The following CAMK1D variants were observed in gnomAD, a reference collection of about 807,000 sequenced individuals.
CAMK1D encodes calcium/calmodulin dependent protein kinase ID.
A neutral mutation model predicts 47.7 loss-of-function variants in CAMK1D; 9 were observed. The ratio of observed to expected loss-of-function variants is 0.19; its 90% CI spans 0.11 to 0.33. The LOEUF (loss-of-function observed/expected upper bound fraction) is 0.33, where lower values mean the gene tolerates loss of function less well. Among genes scored for constraint, CAMK1D ranks in the 10% least tolerant of loss-of-function variants. CAMK1D has a pLI of 1.00. For synonymous variants in CAMK1D, 184 were observed against 184.9 expected (o/e 0.99, Z 0.04); for missense variants, 291 against 488.7 (o/e 0.60, Z 3.81).
chr10:12,518,961 A>T (rs1192814795), intron 1 of CAMK1D, among the ~76,000 whole-genome samples: 2 of 125,760 alleles, frequency 1.6e-5, no homozygotes, highest in Non-Finnish European at 3.5e-5. Flanking sequence ...ATTCCACAAA[A>T]CCGCCATTGT....
At chr10:12,752,132 C>T (rs1281788195) in intron 3 of CAMK1D, among the ~76,000 whole-genome samples, 1 of 151,958 alleles carries the variant, frequency 6.6e-6, no homozygotes, top group Non-Finnish European at 1.5e-5. Flanking sequence ...TACAGGCGCC[C>T]GCCATCATGC....
intron 1 of CAMK1D, among the ~76,000 whole-genome samples, chr10:12,404,026 T>C (rs765747457): frequency 4.6e-5 from 7 of 150,834 alleles, no homozygotes; most frequent in African/African-American, 7.3e-5. Flanking sequence ...AAAATGGGCA[T>C]GTAGTTTTTT....
intron 1 of CAMK1D, among the ~76,000 whole-genome samples, chr10:12,482,833 C>G (rs1834104109): frequency 6.6e-6 from 1 of 152,182 alleles, no homozygotes; most frequent in Admixed American, 6.5e-5. Flanking sequence ...TGGAGAGCTC[C>G]TTGTTCACAG....
At position 12,627,808 on chromosome 10, in the gene CAMK1D, C is replaced by T. The variant is rs528955683; in HGVS notation, c.225-38928C>T. Among the ~76,000 whole-genome samples, 5 of 152,302 alleles carry T rather than the reference C, an allele frequency of 3.3e-5. No homozygotes were observed. The South Asian group carries it at 8.3e-4, about 25-fold the overall frequency. ...ACACAGAAAAAAACAAGGCCAGGTG[C>T]AGTGGCTCACGCCTGTAGTCCGAAA... On this transcript the variant is annotated intron_variant, in intron 2 of 10. Transcript: ENST00000619168.
chr10:12,461,825 G>A (rs1192345018), intron 1 of CAMK1D, among the ~76,000 whole-genome samples: 1 of 151,954 alleles, frequency 6.6e-6, no homozygotes, highest in East Asian at 1.9e-4. Context: ...TAGATGCCTT[G>A]AGTGGAGACC....
At chr10:12,413,647 G>C (rs1049573441) in intron 1 of CAMK1D, among the ~76,000 whole-genome samples, 1 of 6,704 alleles carries the variant, frequency 1.5e-4, no homozygotes, top group Non-Finnish European at 3.4e-4. Flanking sequence ...ATGTGGGTTT[G>C]AAGGAGAAGT....
intron 1 of CAMK1D, among the ~76,000 whole-genome samples, chr10:12,543,311 A>G (rs1167264048): frequency 6.6e-6 from 1 of 152,160 alleles, no homozygotes; most frequent in African/African-American, 2.4e-5. Flanking sequence ...GGCCTCCCAA[A>G]GTGCTGGGAT....
intron 3 of CAMK1D, among the ~76,000 whole-genome samples, chr10:12,716,440 CTACTGTTCCG>C (rs1365331208): frequency 2.6e-5 from 4 of 152,164 alleles, no homozygotes; most frequent in African/African-American, 9.7e-5. Flanking sequence ...CTGGGCCTGC[CTACTGTTCCG>C]TCTAGTGTTG....
Position 12,534,164 on chromosome 10 carries a change from ATCTG to A in CAMK1D, c.93-19057_93-19054del, listed in dbSNP as rs1303085013. Among the ~76,000 whole-genome samples the A allele has an allele frequency of 4.0e-5, 6 of 150,872 alleles. No individual in the cohort carries two copies. The South Asian group carries it at 6.3e-4, about 16-fold the overall frequency. ...AACCTCCACATCTATCTATCTATCT[ATCTG>A]TCTATCTATCTATCTATCTGTCTAT... On this transcript the variant is annotated intron_variant, in intron 1 of 10. Transcript: ENST00000619168.
chr10:12,544,704 C>CTAG (rs528234389), intron 1 of CAMK1D, among the ~76,000 whole-genome samples: 1 of 151,082 alleles, frequency 6.6e-6, no homozygotes, highest in African/African-American at 2.5e-5. Flanking sequence ...TTTTCTAGTA[C>CTAG]TAGTGTTGAG....
At chr10:12,509,310 G>A (rs997783358) in intron 1 of CAMK1D, among the ~76,000 whole-genome samples, 2 of 152,198 alleles carry the variant, frequency 1.3e-5, no homozygotes, top group African/African-American at 4.8e-5. Context: ...CTAGAGACCA[G>A]GTTTGGCCAT....
At chr10:12,676,233 C>T (rs554486163) in intron 3 of CAMK1D, among the ~76,000 whole-genome samples, 4 of 152,284 alleles carry the variant, frequency 2.6e-5, no homozygotes, top group East Asian at 1.9e-4. Flanking sequence ...GGATTACAGG[C>T]GTTAGCCACC....
In CAMK1D at chr10:12,448,746, A is replaced by T. The variant is rs935750656; in HGVS notation, c.92+98836A>T. ...TTTTTATCCTTTTGTACTATTTTTAAAGAAAGGAATGAGAAGAAATTATCC... is the reference window on the plus strand; with the variant it reads ...TTTTTATCCTTTTGTACTATTTTTATAGAAAGGAATGAGAAGAAATTATCC... On this transcript the variant is annotated intron_variant, in intron 1 of 10. Transcript: ENST00000619168. Among the ~76,000 whole-genome samples the T allele has an allele frequency of 3.3e-5, 5 of 152,084 alleles. 1 individual carries two copies. The highest frequency in any genetic ancestry group is 7.3e-5 in the Non-Finnish European group (5 of 68,036).
intron 1 of CAMK1D, among the ~76,000 whole-genome samples, chr10:12,445,453 C>T (rs538996929): frequency 1.3e-4 from 20 of 152,176 alleles, no homozygotes; most frequent in African/African-American, 3.4e-4. Flanking sequence ...CACATGAAGA[C>T]AGGCCATTGT....
At chr10:12,568,625 A>G (rs1028155663) in intron 2 of CAMK1D, among the ~76,000 whole-genome samples, 1 of 131,492 alleles carries the variant, frequency 7.6e-6, no homozygotes, top group Admixed American at 8.1e-5. Context: ...TTTTTTATTC[A>G]TCTTTTTTTG....
chr10:12,724,225 G>C (rs568306216), intron 3 of CAMK1D, among the ~76,000 whole-genome samples: 1 of 152,364 alleles, frequency 6.6e-6, no homozygotes, highest in East Asian at 1.9e-4. Flanking sequence ...TTGACCTCAA[G>C]TGATCCACCC....
At chr10:12,659,094 G>A (rs547506963) in intron 2 of CAMK1D, among the ~76,000 whole-genome samples, 4 of 152,282 alleles carry the variant, frequency 2.6e-5, no homozygotes, top group East Asian at 1.9e-4. Flanking sequence ...CAGCCTGCCC[G>A]TCTGCATGCT....
At chr10:12,526,426 A>G (rs1835623679) in intron 1 of CAMK1D, among the ~76,000 whole-genome samples, 1 of 151,662 alleles carries the variant, frequency 6.6e-6, no homozygotes, top group Non-Finnish European at 1.5e-5. Context: ...GATTTATAGG[A>G]TCTCTTTTTT....
rs1262326654 is a variant in CAMK1D, at chr10:12,573,656, C to CT, written c.224+20309dup. 3.0e-3 allele frequency among the ~76,000 whole-genome samples: 446 copies of CT among 148,966 alleles called. 2 individuals are homozygous for CT. Among genetic ancestry groups the CT allele is most frequent in the African/African-American group, 9.8e-3 (397 of 40,520 alleles). On this transcript the variant is annotated intron_variant, in intron 2 of 10. Coordinates refer to ENST00000619168, the MANE Select transcript of CAMK1D (RefSeq NM_153498.4). Reference sequence around the variant, plus strand: ...CCTTCTTTCTTACGTTTTTCTTTTTCTTTTTTTTTGTTTTTTGTTTTTGAG... The same window carrying CT: ...CCTTCTTTCTTACGTTTTTCTTTTTCTTTTTTTTTTGTTTTTTGTTTTTGAG...
Sources: allele counts gnomAD v4.1 joint callset (sites outside exome capture counted in the v4.1 genomes callset), GRCh38; gene constraint gnomAD v4.1.1; transcripts MANE v1.5; gene names NCBI Gene and HGNC (gene_info 2026-07-23, HGNC 2026-07-21).